Variants in KIAA0232 observed in about 807,000 individuals in gnomAD.
KIAA0232 encodes KIAA0232, also known as uncharacterized protein KIAA0232.
A neutral mutation model predicts 122.0 loss-of-function variants in KIAA0232; 27 were observed. The ratio of observed to expected loss-of-function variants is 0.22; its 90% confidence interval spans 0.16 to 0.31. KIAA0232 has a LOEUF of 0.31. Ranked by LOEUF, KIAA0232 falls within the 10% of genes least tolerant of loss-of-function variation. KIAA0232 has a pLI of 1.00. For missense variants in KIAA0232, 1,551 were observed against 1,634.2 expected, an observed-to-expected ratio of 0.95 and a Z score of 0.88; for synonymous variants, 613 against 587.6, an observed-to-expected ratio of 1.04 and a Z score of -0.63.
At chr4:6,789,591 T>TG (rs1432951928) in intron 1 of KIAA0232, among the ~76,000 whole-genome samples, 3 of 152,180 alleles carry the variant, frequency 2.0e-5, no homozygotes, top group Non-Finnish European at 4.4e-5. Context: ...ATTTTCAACT[T>TG]GCATCTACGT....
In KIAA0232 at chr4:6,863,930, G is replaced by A; in HGVS notation, c.3548G>A (p.Gly1183Glu). ...TTCCTTCCCAGGTTAAAAAAATCTG[G>A]GATGGAAAAGAGTGCTCAGACATCA... ...GKFLPRLKKS[G>E]MEKSAQTSLD... The change falls in exon 7 of 10, where the codon GGG (glycine) becomes GAG (glutamate). Residue 1183 changes from glycine to glutamate, a missense_variant. By Grantham distance (98) the Gly-to-Glu change is moderately conservative. Coordinates refer to ENST00000307659, the MANE Select transcript of KIAA0232 (RefSeq NM_014743.3). The A allele has an allele frequency of 6.2e-7, 1 of 1,613,964 alleles. No individual in the cohort carries two copies. Among genetic ancestry groups the A allele is most frequent in the Non-Finnish European group, 8.5e-7 (1 of 1,179,988 alleles).
intron 1 of KIAA0232, among the ~76,000 whole-genome samples, chr4:6,793,970 A>C (rs1048200181): frequency 6.6e-6 from 1 of 152,134 alleles, no homozygotes; most frequent in African/African-American, 2.4e-5. Context: ...TCCCTACTCT[A>C]CCTAGAGATC....
chr4:6,864,475 A>T (rs905113336), intron 7 of KIAA0232, among the ~76,000 whole-genome samples: 8 of 152,144 alleles, frequency 5.3e-5, no homozygotes, highest in African/African-American at 1.9e-4. Flanking sequence ...GCAGTGGCTC[A>T]CGCCTGTAAT....
At chr4:6,874,060 G>A (rs1340355913) in intron 8 of KIAA0232, among the ~76,000 whole-genome samples, 1 of 152,218 alleles carries the variant, frequency 6.6e-6, no homozygotes, top group African/African-American at 2.4e-5. Flanking sequence ...CCCCTTTACA[G>A]TAAGGCGAGG....
intron 3 of KIAA0232, among the ~76,000 whole-genome samples, chr4:6,826,150 C>G (rs1718666760): frequency 6.6e-6 from 1 of 152,142 alleles, no homozygotes; most frequent in Non-Finnish European, 1.5e-5. Context: ...TTGTGCAGAG[C>G]ATGTTTGATG....
At chr4:6,792,703 T>G (rs1421216097) in intron 1 of KIAA0232, among the ~76,000 whole-genome samples, 53 of 150,458 alleles carry the variant, frequency 3.5e-4, no homozygotes, top group South Asian at 1.5e-3. Flanking sequence ...TTGTTTTTTT[T>G]TTTTGAGACA....
At chr4:6,858,322 A>G (rs1007515432) in intron 5 of KIAA0232, 103 bp from the exon 6 acceptor site, 2 of 658,654 alleles carry the variant, frequency 3.0e-6, no homozygotes, top group Non-Finnish European at 5.1e-6. Flanking sequence ...TTAAGCACCA[A>G]AGTCTCTATT....
At position 6,862,261 on chromosome 4, in the gene KIAA0232, C is replaced by G; in HGVS notation, c.1879C>G (p.Leu627Val). ...AGACAGCACAGTGCTCAATTCACAC[C>G]TGCTTGCTGGCAATCAAGAGCTCTT... ...ILDSTVLNSHLLAGNQELFSD... is the reference protein window; with the variant it reads ...ILDSTVLNSHVLAGNQELFSD... The change falls in exon 7 of 10, where the codon CTG becomes GTG. Residue 627 changes from leucine to valine, a missense_variant. Coordinates refer to ENST00000307659, the MANE Select transcript of KIAA0232 (RefSeq NM_014743.3). 6.2e-7 allele frequency: 1 copy of G among 1,614,180 alleles called. No individual in the cohort carries two copies. Among genetic ancestry groups the G allele is most frequent in the African/African-American group, 1.3e-5 (1 of 75,054 alleles).
At chr4:6,813,358 T>TG (rs1449301119) in intron 2 of KIAA0232, among the ~76,000 whole-genome samples, 12 of 151,930 alleles carry the variant, frequency 7.9e-5, no homozygotes, top group Non-Finnish European at 1.3e-4. Context: ...TCTGTTTTTT[T>TG]TTTTTTGTTT....
In KIAA0232 at chr4:6,851,206, A is replaced by G. The variant is rs567370531; in HGVS notation, c.370-5958A>G. ...GCCTCCTTAAGAGTTCATCCTTCCTAGATTAAAAATAACTGGTCTAAGTTG... is the reference window on the plus strand; with the variant it reads ...GCCTCCTTAAGAGTTCATCCTTCCTGGATTAAAAATAACTGGTCTAAGTTG... On this transcript the variant is annotated intron_variant, in intron 4 of 9. Coordinates refer to ENST00000307659, the MANE Select transcript of KIAA0232 (RefSeq NM_014743.3). 9.8e-5 allele frequency among the ~76,000 whole-genome samples: 15 copies of G among 152,326 alleles called. No homozygotes were observed. In the East Asian group the frequency reaches 2.9e-3, roughly 29 times the overall value.
chr4:6,882,145 G>C lies in KIAA0232; in HGVS notation c.*1179G>C, dbSNP rs1168439351. On this transcript the variant is annotated 3_prime_UTR_variant, in exon 10 of 10. Coordinates refer to ENST00000307659, the MANE Select transcript of KIAA0232 (RefSeq NM_014743.3). The stretch of plus-strand genomic sequence containing the variant: ...TCTGTGCATGGCGATCCGCTCCTCC[G>C]GCTCTCATGGCATTGTGCCACAGGC... 6.6e-6 allele frequency: 1 copy of C among 152,282 alleles called. No homozygotes were observed. The highest frequency in any genetic ancestry group is 2.4e-5 in the African/African-American group (1 of 41,446). The allele number at this position is 152,282 out of a possible 1,614,324, so 9.4% of individuals were successfully genotyped here. A position where few individuals can be genotyped will look rare whatever the true frequency, so the allele number is the denominator to read the frequency against.
intron 4 of KIAA0232, 25 bp downstream of exon 4, chr4:6,842,229 A>G (rs761482475): frequency 1.9e-6 from 3 of 1,566,196 alleles, no homozygotes; most frequent in Non-Finnish European, 2.6e-6. Context: ...TGTTTCTAAC[A>G]CTTAAGAGAA....
At chr4:6,828,210 A>G (rs1306677595) in intron 3 of KIAA0232, among the ~76,000 whole-genome samples, 1 of 152,116 alleles carries the variant, frequency 6.6e-6, no homozygotes, top group African/African-American at 2.4e-5. Context: ...GTGAGACTCC[A>G]TCTCTTAAAA....
At chr4:6,800,861 G>T (rs138401886) in intron 1 of KIAA0232, among the ~76,000 whole-genome samples, 1 of 152,192 alleles carries the variant, frequency 6.6e-6, no homozygotes, top group African/African-American at 2.4e-5. Context: ...GGTTATGTGA[G>T]GGGGGTGATA....
chr4:6,823,724 C>CA (rs35703069), intron 2 of KIAA0232, among the ~76,000 whole-genome samples: 3,898 of 139,718 alleles, frequency 0.028, 72 homozygotes, highest in African/African-American at 0.055. Context: ...CTTGAGATAG[C>CA]AAAAAAAAAA....
intron 1 of KIAA0232, among the ~76,000 whole-genome samples, chr4:6,794,275 A>G (rs562103410): frequency 6.6e-6 from 1 of 152,348 alleles, no homozygotes; most frequent in South Asian, 2.1e-4. Context: ...GAAAGGCCTG[A>G]GTCTGTTATC....
chr4:6,849,609 C>T (rs573617102), intron 4 of KIAA0232, among the ~76,000 whole-genome samples: 2 of 152,160 alleles, frequency 1.3e-5, no homozygotes, highest in South Asian at 4.2e-4. Flanking sequence ...GAGCAAGACT[C>T]CATCTCAAAC....
At chr4:6,790,080 G>A (rs895789519) in intron 1 of KIAA0232, among the ~76,000 whole-genome samples, 1 of 152,126 alleles carries the variant, frequency 6.6e-6, no homozygotes, top group Non-Finnish European at 1.5e-5. Flanking sequence ...ACACTATACA[G>A]TATGTTATTT....
intron 7 of KIAA0232, among the ~76,000 whole-genome samples, chr4:6,865,550 C>T (rs764897314): frequency 5.9e-5 from 9 of 152,222 alleles, no homozygotes; most frequent in Non-Finnish European, 1.0e-4. Context: ...ATCCACCTGC[C>T]TTGGCCTCCC....
Sources: allele counts gnomAD v4.1 joint callset (sites outside exome capture counted in the v4.1 genomes callset), GRCh38; gene constraint gnomAD v4.1.1; transcripts MANE v1.5; gene names NCBI Gene and HGNC (gene_info 2026-07-23, HGNC 2026-07-21).